Variants in ANKS1B observed in about 807,000 individuals in gnomAD.
The protein encoded by ANKS1B is ankyrin repeat and sterile alpha motif domain-containing protein 1B.
A neutral mutation model predicts 148.3 loss-of-function variants in ANKS1B; 36 were observed. The observed-to-expected ratio is 0.24, with a 90% CI of 0.19 to 0.32. ANKS1B has a LOEUF of 0.32. ANKS1B is among the 10% of genes least tolerant of loss of function. ANKS1B has a pLI of 1.00. For synonymous variants in ANKS1B, 542 were observed against 560.8 expected (o/e 0.97, Z 0.47); for missense variants, 1,157 against 1,542.6 (o/e 0.75, Z 4.19).
At chr12:98,797,230 T>C in intron 22 of ANKS1B, among the ~76,000 whole-genome samples, 1 of 152,242 alleles carries the variant, frequency 6.6e-6, no homozygotes, top group East Asian at 1.9e-4. Flanking sequence ...TCTAGTCTAA[T>C]GTTCTCATTT....
intron 4 of ANKS1B, among the ~76,000 whole-genome samples, chr12:99,787,722 A>G (rs1175679719): frequency 4.6e-5 from 7 of 152,212 alleles, no homozygotes; most frequent in Admixed American, 4.6e-4. Context: ...GACACTGAGG[A>G]GGGTGGAAGA....
intron 11 of ANKS1B, among the ~76,000 whole-genome samples, chr12:99,410,992 C>T (rs944395384): frequency 6.6e-6 from 1 of 152,228 alleles, no homozygotes; most frequent in Admixed American, 6.5e-5. Context: ...TTGACCCTTC[C>T]CCACACTCAT....
chr12:99,272,486 G>C (rs1373980776), intron 12 of ANKS1B, among the ~76,000 whole-genome samples: 1 of 152,160 alleles, frequency 6.6e-6, no homozygotes, highest in Non-Finnish European at 1.5e-5. Flanking sequence ...GTATAATGAA[G>C]ACTTGAAGCG....
At chr12:99,674,221 T>C (rs1444165211) in intron 8 of ANKS1B, among the ~76,000 whole-genome samples, 3 of 151,796 alleles carry the variant, frequency 2.0e-5, no homozygotes, top group Non-Finnish European at 4.4e-5. Flanking sequence ...TAAAAGTGTA[T>C]TGGGGATTAT....
chr12:99,523,033 T>C (rs535704913), intron 9 of ANKS1B, among the ~76,000 whole-genome samples: 2 of 152,322 alleles, frequency 1.3e-5, no homozygotes, highest in South Asian at 4.1e-4. Flanking sequence ...ATGTAGTTTT[T>C]CAAATCAGAA....
At chr12:99,088,002 A>C (rs1270078842) in intron 15 of ANKS1B, among the ~76,000 whole-genome samples, 3 of 152,216 alleles carry the variant, frequency 2.0e-5, no homozygotes, top group Non-Finnish European at 4.4e-5. Context: ...TGTTGAGTAC[A>C]TAAGAACATC....
intron 12 of ANKS1B, among the ~76,000 whole-genome samples, chr12:99,264,929 G>T (rs977063113): frequency 6.6e-6 from 1 of 152,072 alleles, no homozygotes; most frequent in African/African-American, 2.4e-5. Context: ...CATGTTCACC[G>T]CAGTTTTACT....
chr12:98,862,717 AGGTT>A (rs1162992753), intron 17 of ANKS1B, among the ~76,000 whole-genome samples: 2 of 152,120 alleles, frequency 1.3e-5, no homozygotes, highest in Non-Finnish European at 2.9e-5. Context: ...CCAATAATAT[AGGTT>A]CTTACTCTCA....
intron 15 of ANKS1B, among the ~76,000 whole-genome samples, chr12:99,150,788 A>G (rs915361530): frequency 3.9e-5 from 6 of 152,064 alleles, no homozygotes; most frequent in African/African-American, 1.4e-4. Flanking sequence ...AGTGAGTGAA[A>G]TGTCAGAAGG....
chr12:99,563,341 G>C (rs2097356704), intron 9 of ANKS1B, among the ~76,000 whole-genome samples: 1 of 152,154 alleles, frequency 6.6e-6, no homozygotes, highest in Admixed American at 6.5e-5. Flanking sequence ...TTCTAGCTTT[G>C]ATTTTAAAGT....
At chr12:99,278,700 A>G (rs1297992686) in intron 12 of ANKS1B, among the ~76,000 whole-genome samples, 2 of 152,184 alleles carry the variant, frequency 1.3e-5, no homozygotes, top group Admixed American at 6.5e-5. Flanking sequence ...TCATGTCCCA[A>G]TATCTAACAA....
rs564089247 is a variant in ANKS1B, at chr12:99,148,221, A to T, written c.2526+6068T>A. On this transcript the variant is annotated intron_variant, in intron 15 of 26. Coordinates refer to ENST00000683438, the MANE Select transcript of ANKS1B (RefSeq NM_001352186.2). ...CTGGTCATTTGAAGTAATACTGGAG[A>T]TCAAATTACGCAAATATGCTGCATG... 2.6e-5 allele frequency among the ~76,000 whole-genome samples: 4 copies of T among 152,186 alleles called. No homozygotes were observed. In the East Asian group the frequency reaches 7.7e-4, roughly 29 times the overall value.
intron 11 of ANKS1B, among the ~76,000 whole-genome samples, chr12:99,423,779 C>T (rs1311185597): frequency 6.6e-6 from 1 of 152,024 alleles, no homozygotes. Flanking sequence ...TAAGTGGGAG[C>T]TAAATGGTGA....
At chr12:99,414,270 T>A (rs548493290) in intron 11 of ANKS1B, among the ~76,000 whole-genome samples, 67 of 152,294 alleles carry the variant, frequency 4.4e-4, no homozygotes, top group African/African-American at 1.4e-3. Flanking sequence ...CTAAATAATT[T>A]GAAAACCATT....
intron 17 of ANKS1B, among the ~76,000 whole-genome samples, chr12:98,920,986 A>G (rs193292314): frequency 8.8e-4 from 134 of 152,350 alleles, no homozygotes; most frequent in African/African-American, 2.9e-3. Context: ...ATACATGTAT[A>G]TAATTTATTT....
chr12:99,479,005 TAATAA>T (rs2096369532), intron 10 of ANKS1B, among the ~76,000 whole-genome samples: 1 of 152,092 alleles, frequency 6.6e-6, no homozygotes, highest in Non-Finnish European at 1.5e-5. Context: ...CAAAAATTAC[TAATAA>T]AATATTTTAC....
chr12:99,146,344 A>G (rs551946215), intron 15 of ANKS1B, among the ~76,000 whole-genome samples: 1 of 152,270 alleles, frequency 6.6e-6, no homozygotes, highest in East Asian at 1.9e-4. Flanking sequence ...GGGTGCACAG[A>G]GGAGGGACAG....
At chr12:99,021,127 G>A (rs764670336) in intron 17 of ANKS1B, among the ~76,000 whole-genome samples, 7 of 152,070 alleles carry the variant, frequency 4.6e-5, no homozygotes, top group Non-Finnish European at 7.4e-5. Context: ...GAAACGGTAA[G>A]AAATTTGCCT....
chr12:99,834,581 G>A (rs2084530521), intron 1 of ANKS1B, among the ~76,000 whole-genome samples: 1 of 152,150 alleles, frequency 6.6e-6, no homozygotes, highest in Non-Finnish European at 1.5e-5. Context: ...TCATTAGTCA[G>A]AATATTCTAT....
Sources: allele counts gnomAD v4.1 joint callset (sites outside exome capture counted in the v4.1 genomes callset), GRCh38; gene constraint gnomAD v4.1.1; transcripts MANE v1.5; gene names NCBI Gene and HGNC (gene_info 2026-07-23, HGNC 2026-07-21).